The following PDXK variants were observed in gnomAD, a reference collection of about 807,000 sequenced individuals.
The protein encoded by PDXK is pyridoxal kinase, also known as epididymis secretory sperm binding protein Li 1a.
In PDXK, 15 loss-of-function variants were observed where a neutral mutation model predicts 43.2. That is an observed-to-expected ratio of 0.35 (90% confidence interval 0.23 to 0.53). The LOEUF is 0.53. Ranked by LOEUF, PDXK falls within the 20% of genes least tolerant of loss-of-function variation. The probability of loss-of-function intolerance (pLI) is 0.92; values close to 1 mark genes in which losing one functional copy is unlikely to be tolerated. For missense variants in PDXK, 343 were observed against 417.0 expected (o/e 0.82, Z 1.54); for synonymous variants, 172 against 165.4 (o/e 1.04, Z -0.31).
rs766212446 is a variant in PDXK at position 43,741,702 on chromosome 21, G to C, written c.178G>C (p.Asp60His). 7 of 1,613,242 alleles carry C rather than the reference G, an allele frequency of 4.3e-6. No homozygotes were observed. Among genetic ancestry groups the C allele is most frequent in the Non-Finnish European group, 5.9e-6 (7 of 1,179,452 alleles). ...AHWKGQVLNS[D>H]ELQELYEGLR... ...CTGGAAGGGCCAAGTGCTGAATTCA[G>C]ATGAGCTCCAGGAGTTGTACGAAGG... Residue 60 changes from aspartate (D) to histidine (H), a missense_variant, in exon 3 of 11, where the codon GAT (aspartate) becomes CAT (histidine). Physicochemically the swap from Asp to His is moderately conservative, Grantham distance 81 (BLOSUM62 -1). Coordinates refer to ENST00000291565, the MANE Select transcript of PDXK (RefSeq NM_003681.5).
At position 43,755,693 on chromosome 21, in the gene PDXK, T is replaced by C. The variant is rs1425730587; in HGVS notation, c.760-5T>C. 3.7e-6 allele frequency: 6 copies of C among 1,612,566 alleles called. No individual in the cohort carries two copies. Among genetic ancestry groups the C allele is most frequent in the Non-Finnish European group, 4.2e-6 (5 of 1,178,728 alleles). On this transcript the variant is annotated splice_polypyrimidine_tract_variant and splice_region_variant and intron_variant, in intron 9 of 10. Transcript: ENST00000291565. Reference sequence around the variant, plus strand: ...AGGGGCACAGCAAGTCTGTCCTCCCTGCAGGTGGCCTGTGAGAAGACCGTG... The same window carrying C: ...AGGGGCACAGCAAGTCTGTCCTCCCCGCAGGTGGCCTGTGAGAAGACCGTG...
intron 1 of PDXK, among the ~76,000 whole-genome samples, chr21:43,726,885 G>A (rs961970209): frequency 3.3e-5 from 5 of 152,120 alleles, no homozygotes; most frequent in Admixed American, 6.5e-5. Flanking sequence ...GTGTGCTTGT[G>A]TGTACATGGC....
chr21:43,750,464 C>A, intron 6 of PDXK, 36 bp from the exon 7 acceptor site: 3 of 1,584,012 alleles, frequency 1.9e-6, no homozygotes, highest in Non-Finnish European at 2.6e-6. Context: ...GAGAGGCTCA[C>A]CTGTCCCCAC....
rs1378524365 is a variant in PDXK, at chr21:43,723,791, T to A, written c.87+4410T>A. The A allele has an allele frequency of 6.6e-6, 1 of 152,368 alleles. No homozygotes were observed. Among genetic ancestry groups the A allele is most frequent in the East Asian group, 1.9e-4 (1 of 5,174 alleles). The allele number at this position is 152,368 out of a possible 1,614,324, so 9.4% of individuals were successfully genotyped here. On this transcript the variant is annotated intron_variant, in intron 1 of 10. Coordinates refer to ENST00000291565, the MANE Select transcript of PDXK (RefSeq NM_003681.5). The surrounding 1 kb of genome is among the most constrained non-coding windows in gnomAD (Gnocchi z 4.1). ...AGGTAGTAGATTCCCGCTGGCTGGG[T>A]GATATCCGTGTCCTTCATCTGTCAG...
chr21:43,745,427 A>C (rs1289609159), intron 4 of PDXK, among the ~76,000 whole-genome samples: 2 of 151,722 alleles, frequency 1.3e-5, no homozygotes, highest in Admixed American at 1.3e-4. Context: ...CTCAAAAAAA[A>C]AAAAAAAAAG....
At position 43,741,428 on chromosome 21, in the gene PDXK, C is replaced by G. The variant is rs1215809271; in HGVS notation, c.143-239C>G. 25 of 126,926 alleles carry G rather than the reference C, an allele frequency of 2.0e-4. 2 individuals are homozygous for G. Among genetic ancestry groups the G allele is most frequent in the Non-Finnish European group, 5.7e-5 (5 of 87,660 alleles). The allele number at this position is 126,926 out of a possible 1,614,324, so 7.9% of individuals were successfully genotyped here. A position where few individuals can be genotyped will look rare whatever the true frequency, so the allele number is the denominator to read the frequency against. On this transcript the variant is annotated intron_variant, in intron 2 of 10. Transcript: ENST00000291565. ...TCGCGGGGGGGCTCGCGGGGGGGCT[C>G]GCGGGGGGCTCGCGGGGGGGCTCGC...
chr21:43,741,552 T>G (rs140485915), intron 2 of PDXK, 115 bp from the exon 3 acceptor site: 1 of 1,526,156 alleles, frequency 6.6e-7, no homozygotes, highest in South Asian at 1.3e-5. Context: ...AGCCAGTCCA[T>G]GGGGAGGAGC....
rs1275710809 is a variant in PDXK at position 43,744,071 on chromosome 21, G to C, written c.331+264G>C. ...AGGGGTGTCAGTGTGCTCGTATAGT[G>C]GGGCTGCTGTGTGAATGCCTGGGGC... is the stretch of plus-strand genomic sequence containing the variant. On this transcript the variant is annotated intron_variant, in intron 4 of 10. Transcript: ENST00000291565. 2.0e-5 allele frequency among the ~76,000 whole-genome samples: 3 copies of C among 152,324 alleles called. No homozygotes were observed. In the East Asian group the frequency reaches 5.8e-4, roughly 29 times the overall value.
chr21:43,756,603 T>C lies in PDXK; in HGVS notation c.*540T>C, dbSNP rs571922515. On this transcript the variant is annotated 3_prime_UTR_variant, in exon 11 of 11. Coordinates refer to ENST00000291565, the MANE Select transcript of PDXK (RefSeq NM_003681.5). ...TTTGGTTCTTACTTTGCTGCTCGTT[T>C]AGTCCCTGGGGATTTCAGATCTTAG... is the stretch of plus-strand genomic sequence containing the variant. 6.5e-6 allele frequency: 1 copy of C among 154,060 alleles called. No homozygotes were observed. Among genetic ancestry groups the C allele is most frequent in the East Asian group, 1.9e-4 (1 of 5,196 alleles). 9.5% of individuals were successfully genotyped at this position (154,060 alleles called of 1,614,324 possible).
intron 2 of PDXK, among the ~76,000 whole-genome samples, chr21:43,739,122 G>A (rs1199747174): frequency 6.6e-6 from 1 of 151,934 alleles, no homozygotes; most frequent in African/African-American, 2.4e-5. Context: ...TTTTAGTAGG[G>A]ACGGGGTTTC....
At position 43,734,952 on chromosome 21, in the gene PDXK, G is replaced by C. The variant is rs2083379515; in HGVS notation, c.142+829G>C. On this transcript the variant is annotated intron_variant, in intron 2 of 10. Transcript: ENST00000291565. The surrounding 1 kb of genome is among the most constrained non-coding windows in gnomAD (Gnocchi z 5.0). ...GGCAGAGCATCAGTGCGATATGTTGGAGCAGGGAGGAGGGGCCTGGCCCCT... is the reference window on the plus strand; with the variant it reads ...GGCAGAGCATCAGTGCGATATGTTGCAGCAGGGAGGAGGGGCCTGGCCCCT... 6.6e-6 allele frequency among the ~76,000 whole-genome samples: 1 copy of C among 152,222 alleles called. No homozygotes were observed. The highest frequency in any genetic ancestry group is 1.5e-5 in the Non-Finnish European group (1 of 68,040).
intron 5 of PDXK, among the ~76,000 whole-genome samples, chr21:43,747,925 C>T (rs1179612794): frequency 6.6e-6 from 1 of 152,186 alleles, no homozygotes; most frequent in Non-Finnish European, 1.5e-5. Flanking sequence ...GGATCGGGGA[C>T]ATCCACGTGC....
At position 43,740,258 on chromosome 21, in the gene PDXK, C is replaced by T. The variant is rs184266653; in HGVS notation, c.143-1409C>T. On this transcript the variant is annotated intron_variant, in intron 2 of 10. Coordinates refer to ENST00000291565, the MANE Select transcript of PDXK (RefSeq NM_003681.5). ...AGGCGTCCCTTCCAGCGGGAGCCAG[C>T]GACTGGTACGCAGGAGGGCCCTCAG... 6.6e-4 allele frequency among the ~76,000 whole-genome samples: 101 copies of T among 152,226 alleles called. 2 individuals carry two copies. The highest frequency in any genetic ancestry group is 1.9e-3 in the African/African-American group (80 of 41,570).
Position 43,737,770 on chromosome 21 carries a change from G to A in PDXK, c.142+3647G>A, listed in dbSNP as rs762115397. 31 of 985,316 alleles carry A rather than the reference G, an allele frequency of 3.1e-5. No homozygotes were observed. The highest frequency in any genetic ancestry group is 6.1e-5 in the Admixed American group (1 of 16,266). 61.0% of individuals were successfully genotyped at this position (985,316 alleles called of 1,614,324 possible). On this transcript the variant is annotated intron_variant, in intron 2 of 10. Transcript: ENST00000291565. This position sits in a 1 kb window ranked among gnomAD's most constrained non-coding sequence, Gnocchi z 4.8. ...CCAGGCCGGGCCAGACTCCCTGGCC[G>A]GCTGGGATCTGACAGGAGTGCCAGG... is the stretch of plus-strand genomic sequence containing the variant.
intron 9 of PDXK, among the ~76,000 whole-genome samples, chr21:43,755,069 C>G (rs1232441873): frequency 1.3e-5 from 2 of 152,196 alleles, no homozygotes; most frequent in Non-Finnish European, 2.9e-5. Flanking sequence ...AGCTGGCACC[C>G]CGAGGAGGCC....
At chr21:43,752,124 T>TGC (rs908794803) in intron 7 of PDXK, among the ~76,000 whole-genome samples, 17 of 151,396 alleles carry the variant, frequency 1.1e-4, no homozygotes, top group Non-Finnish European at 1.8e-4. Flanking sequence ...TGTGTGTGTG[T>TGC]GTGCGCGCGC....
intron 1 of PDXK, among the ~76,000 whole-genome samples, chr21:43,729,998 C>T (rs546055356): frequency 1.3e-5 from 2 of 152,210 alleles, no homozygotes; most frequent in South Asian, 2.1e-4. Flanking sequence ...AATGGTAGCA[C>T]GGCGGCCTAA....
At chr21:43,729,860 A>G (rs538342556) in intron 1 of PDXK, among the ~76,000 whole-genome samples, 10 of 152,158 alleles carry the variant, frequency 6.6e-5, no homozygotes, top group African/African-American at 9.6e-5. Flanking sequence ...AGGAGAATCA[A>G]TTGAGCCCAG....
At chr21:43,736,228 CAAAG>C (rs2083399153) in intron 2 of PDXK, among the ~76,000 whole-genome samples, 1 of 152,198 alleles carries the variant, frequency 6.6e-6, no homozygotes, top group Non-Finnish European at 1.5e-5. Context: ...TGATTATGCA[CAAAG>C]AAAGATGTCT....
Sources: allele counts gnomAD v4.1 joint callset (sites outside exome capture counted in the v4.1 genomes callset), GRCh38; gene constraint gnomAD v4.1.1; non-coding constraint Gnocchi (gnomAD v3.1); transcripts MANE v1.5; gene names NCBI Gene and HGNC (gene_info 2026-07-23, HGNC 2026-07-21).